The following ZFAT variants were observed in gnomAD, a reference collection of about 807,000 sequenced individuals.
The protein encoded by ZFAT is zinc finger protein ZFAT.
A neutral mutation model predicts 117.7 loss-of-function variants in ZFAT; 64 were observed. That is an observed-to-expected ratio of 0.54 (90% CI 0.44 to 0.67). ZFAT has a LOEUF of 0.67. ZFAT is among the 30% of genes least tolerant of loss of function. ZFAT has a pLI of 0.00. For missense variants in ZFAT, 1,433 were observed against 1,584.5 expected (o/e 0.90, Z 1.62); for synonymous variants, 679 against 615.0 (o/e 1.10, Z -1.54).
At chr8:134,638,034 T>C (rs973991723) in intron 2 of ZFAT, among the ~76,000 whole-genome samples, 1 of 152,122 alleles carries the variant, frequency 6.6e-6, no homozygotes, top group African/African-American at 2.4e-5. Flanking sequence ...TCCTGCCCCT[T>C]GTTAAGCACC....
At chr8:134,498,362 G>A (rs1180562958) in intron 15 of ZFAT, among the ~76,000 whole-genome samples, 109 of 131,574 alleles carry the variant, frequency 8.3e-4, no homozygotes, top group African/African-American at 3.4e-3. Flanking sequence ...TACACACACA[G>A]CCTGATTTGG....
intron 15 of ZFAT, among the ~76,000 whole-genome samples, chr8:134,489,617 T>C (rs189490185): frequency 2.4e-4 from 37 of 152,274 alleles, no homozygotes; most frequent in African/African-American, 8.9e-4. Flanking sequence ...CTAAGTGGCA[T>C]AGGGCCCCAG....
At chr8:134,610,428 G>A (rs781684528) in intron 4 of ZFAT, 42 bp downstream of exon 4, 1 of 1,582,690 alleles carries the variant, frequency 6.3e-7, no homozygotes, top group Non-Finnish European at 8.6e-7. Flanking sequence ...GCACAGACTT[G>A]CCAAGGGTCT....
rs544233899 is a variant in ZFAT, at chr8:134,524,257, C to G, written c.3116-3256G>C. ...CCGGTCTATCTTCCCCTTTCCTTCA[C>G]AGCCAGGATTCTGTGGAGTCTCCAC... On this transcript the variant is annotated intron_variant, in intron 12 of 15. Transcript: ENST00000377838. 2.0e-5 allele frequency among the ~76,000 whole-genome samples: 3 copies of G among 152,288 alleles called. No individual in the cohort carries two copies. In the South Asian group the frequency reaches 6.2e-4, roughly 32 times the overall value.
chr8:134,820,896 T>C, the ZFAT span, among the ~76,000 whole-genome samples: 5 of 152,230 alleles, frequency 3.3e-5, no homozygotes, highest in Admixed American at 3.3e-4. Context: ...CTGTAATGTG[T>C]CTCGCCCCTG....
chr8:134,552,999 G>T (rs571652602), intron 11 of ZFAT, among the ~76,000 whole-genome samples: 2 of 152,364 alleles, frequency 1.3e-5, no homozygotes, highest in South Asian at 4.1e-4. Context: ...GGGCCTTGTG[G>T]CATGTCCTGT....
rs1156765737 is a variant in ZFAT at position 134,483,969 on chromosome 8, C to T, written c.3493-5248G>A. On this transcript the variant is annotated intron_variant, in intron 15 of 15. Transcript: ENST00000377838. ...GCCTCATTGTCTCACTTTCTTCCTA[C>T]TCCCCTGCCTGTTCTGCCTTCTCCT... Among the ~76,000 whole-genome samples, 4 of 152,238 alleles carry T rather than the reference C, an allele frequency of 2.6e-5. No individual in the cohort carries two copies. In the East Asian group the frequency reaches 5.8e-4, roughly 22 times the overall value.
In ZFAT at chr8:134,650,943, A is replaced by T. The variant is rs1005810611; in HGVS notation, c.196+6618T>A. On this transcript the variant is annotated intron_variant, in intron 2 of 15. Transcript: ENST00000377838. The stretch of plus-strand genomic sequence containing the variant: ...AAAGACTTAAATGCTTAACATCATT[A>T]ATCATCAAAAATGCAAACCAAAACC... 1.3e-4 allele frequency among the ~76,000 whole-genome samples: 20 copies of T among 152,388 alleles called. 1 individual carries two copies. The South Asian group carries it at 1.4e-3, about 11-fold the overall frequency.
At chr8:134,651,794 AC>A (rs1831261688) in intron 2 of ZFAT, among the ~76,000 whole-genome samples, 1 of 152,184 alleles carries the variant, frequency 6.6e-6, no homozygotes, top group Non-Finnish European at 1.5e-5. Flanking sequence ...AAGAAGACCA[AC>A]TAACATCGAT....
intron 15 of ZFAT, 86 bp downstream of exon 15, chr8:134,509,533 G>A (rs1819654448): frequency 1.5e-5 from 23 of 1,582,186 alleles, no homozygotes; most frequent in Non-Finnish European, 1.5e-5. Flanking sequence ...CCTCAGGTAA[G>A]TTAAAGACTT....
chr8:134,657,036 T>C (rs1483270137), intron 2 of ZFAT, among the ~76,000 whole-genome samples: 2 of 152,256 alleles, frequency 1.3e-5, no homozygotes, highest in East Asian at 3.8e-4. Context: ...ATAGGAACAG[T>C]TGGAAAATGC....
chr8:134,720,406 G>A, the ZFAT span, among the ~76,000 whole-genome samples: 2 of 152,216 alleles, frequency 1.3e-5, no homozygotes, highest in Non-Finnish European at 2.9e-5. Context: ...TTTGGGGGAA[G>A]GATGTAGTCT....
At chr8:134,792,683 A>G in the ZFAT span, 11 of 152,346 alleles carry the variant, frequency 7.2e-5, no homozygotes, top group East Asian at 5.8e-4. Flanking sequence ...CACATCAATC[A>G]TAACAAGCCA....
At chr8:134,565,912 C>A (rs1281363881) in intron 10 of ZFAT, among the ~76,000 whole-genome samples, 1 of 152,136 alleles carries the variant, frequency 6.6e-6, no homozygotes, top group Non-Finnish European at 1.5e-5. Context: ...CCCAGAATAT[C>A]AAGGGTCTGG....
In ZFAT at chr8:134,552,087, C is replaced by T. The variant is rs114270182; in HGVS notation, c.2976+13246G>A. Among the ~76,000 whole-genome samples, 1,131 of 152,178 alleles carry T rather than the reference C, an allele frequency of 7.4e-3. 24 individuals carry two copies. Among genetic ancestry groups the T allele is most frequent in the African/African-American group, 0.026 (1,077 of 41,514 alleles). ...CTGGTTTTCTGGGTTCCCACAGCAC[C>T]TTGTACATAACTTTTTGTAGCACTT... On this transcript the variant is annotated intron_variant, in intron 11 of 15. Coordinates refer to ENST00000377838, the MANE Select transcript of ZFAT (RefSeq NM_020863.4).
chr8:134,603,527 C>T (rs1317213935), intron 5 of ZFAT, among the ~76,000 whole-genome samples: 1 of 152,238 alleles, frequency 6.6e-6, no homozygotes, highest in Non-Finnish European at 1.5e-5. Context: ...TTGGGGGTGA[C>T]TCTTTTCCTT....
At chr8:134,640,895 A>G (rs1420248548) in intron 2 of ZFAT, among the ~76,000 whole-genome samples, 1 of 152,160 alleles carries the variant, frequency 6.6e-6, no homozygotes, top group East Asian at 1.9e-4. Flanking sequence ...AAATCATGTA[A>G]CCTCTAAATC....
At chr8:134,731,534 T>G in the ZFAT span, among the ~76,000 whole-genome samples, 1 of 152,190 alleles carries the variant, frequency 6.6e-6, no homozygotes, top group East Asian at 1.9e-4. Context: ...CATAGACATA[T>G]ACAGAAATAA....
At chr8:134,564,294 C>T (rs1217786217) in intron 11 of ZFAT, among the ~76,000 whole-genome samples, 1 of 151,840 alleles carries the variant, frequency 6.6e-6, no homozygotes, top group Non-Finnish European at 1.5e-5. Flanking sequence ...CATTAAGGCT[C>T]ATACAACTCC....
Sources: gnomAD v4.1 joint callset for allele counts (sites outside exome capture counted in the v4.1 genomes callset) on GRCh38, gnomAD v4.1.1 for gene constraint, MANE v1.5 for transcripts, NCBI Gene and HGNC (gene_info 2026-07-23, HGNC 2026-07-21) for gene names.